The following PLEKHA4 variants were observed in gnomAD, a reference collection of about 807,000 sequenced individuals.
PLEKHA4 encodes pleckstrin homology domain-containing family A member 4.
In PLEKHA4, 73 loss-of-function variants were observed where a neutral mutation model predicts 94.7. That is an observed-to-expected ratio of 0.77 (90% CI 0.64 to 0.94). The LOEUF (loss-of-function observed/expected upper bound fraction) is 0.94, where lower values mean the gene tolerates loss of function less well. Among genes scored for constraint, PLEKHA4 ranks in the 40% least tolerant of loss-of-function variants. The pLI is 0.00. For synonymous variants in PLEKHA4, 449 were observed against 437.1 expected, an observed-to-expected ratio of 1.03 and a Z score of -0.34; for missense variants, 1,049 against 1,054.1, an observed-to-expected ratio of 1.00 and a Z score of 0.07.
Position 48,859,680 on chromosome 19 carries a change from GC to G in PLEKHA4, c.480del (p.Gln161AsnfsTer23). 1 of 1,611,166 alleles carries G rather than the reference GC, an allele frequency of 6.2e-7. No individual in the cohort carries two copies. Among genetic ancestry groups the G allele is most frequent in the Non-Finnish European group, 8.5e-7 (1 of 1,179,848 alleles). Reference sequence around the variant, plus strand: ...TGGGGTCGTGCAGGTGACCTGGGTTGCCCACTAGCGAGTGGACATAGACAAG... The same window carrying G: ...TGGGGTCGTGCAGGTGACCTGGGTTGCCACTAGCGAGTGGACATAGACAAG... ...RASRAEGDDY[G>X]QPRSPARPQP... On this transcript the variant is annotated frameshift_variant, in exon 7 of 20. Transcript: ENST00000263265. LOFTEE classifies it high-confidence loss of function.
chr19:48,852,802 G>A (rs1490438950), intron 12 of PLEKHA4, among the ~76,000 whole-genome samples: 3 of 151,884 alleles, frequency 2.0e-5, no homozygotes, highest in African/African-American at 7.3e-5. Flanking sequence ...GAATGGTGGC[G>A]AGGGCCTGTA....
At chr19:48,860,506 AAGG>A (rs925638441) in intron 5 of PLEKHA4, 47 bp from the exon 6 acceptor site, 10 of 1,470,508 alleles carry the variant, frequency 6.8e-6, no homozygotes, top group African/African-American at 2.8e-5. Flanking sequence ...GCCTTGTAAA[AAGG>A]AGGACAGGCC....
chr19:48,865,389 G>C, intron 3 of PLEKHA4, 114 bp downstream of exon 3: 1 of 665,842 alleles, frequency 1.5e-6, no homozygotes, highest in South Asian at 1.9e-5. Flanking sequence ...GGACTAAGGG[G>C]AGGGGCAGTG....
At chr19:48,865,442 G>A in intron 3 of PLEKHA4, 61 bp downstream of exon 3, 2 of 1,295,472 alleles carry the variant, frequency 1.5e-6, no homozygotes, top group East Asian at 2.3e-5. Flanking sequence ...TGCAAGGAGA[G>A]AGACAGAGGA....
chr19:48,845,638 G>A lies in PLEKHA4; in HGVS notation c.1567-22C>T, dbSNP rs28455995. ...GGCTCTGCGGGGATTAGAAAAGGGGGATAATGATGATCATTATAATAATTA... is the reference window on the plus strand; with the variant it reads ...GGCTCTGCGGGGATTAGAAAAGGGGAATAATGATGATCATTATAATAATTA... On this transcript the variant is annotated intron_variant, in intron 14 of 19. Coordinates refer to ENST00000263265, the MANE Select transcript of PLEKHA4 (RefSeq NM_020904.3). The A allele has an allele frequency of 1.1e-3, 1,550 of 1,452,546 alleles. 14 individuals are homozygous for A. The African/African-American group carries it at 0.019, about 18-fold the overall frequency. The allele number at this position is 1,452,546 out of a possible 1,614,324, so 90.0% of individuals were successfully genotyped here.
At position 48,837,360 on chromosome 19, in the gene PLEKHA4, C is replaced by T; in HGVS notation, c.2269G>A (p.Ala757Thr). 6.2e-7 allele frequency: 1 copy of T among 1,613,676 alleles called. No homozygotes were observed. The highest frequency in any genetic ancestry group is 2.2e-5 in the East Asian group (1 of 44,874). Residue 757 changes from alanine (A) to threonine (T), a missense_variant, in exon 20 of 20, where the codon GCC becomes ACC. Transcript: ENST00000263265. The surrounding 1 kb of genome is among the most constrained non-coding windows in gnomAD (Gnocchi z 4.3). Reference protein sequence around the residue: ...PWGPAWDAGIAPPVLPQDEGA... With the variant: ...PWGPAWDAGITPPVLPQDEGA... Reference sequence around the variant, plus strand: ...TCGTCTTGTGGCAGGACCGGAGGGGCGATCCCGGCATCCCACGCGGGCCCC... The same window carrying T: ...TCGTCTTGTGGCAGGACCGGAGGGGTGATCCCGGCATCCCACGCGGGCCCC...
chr19:48,845,941 T>C (rs1340251019), intron 14 of PLEKHA4, among the ~76,000 whole-genome samples: 2 of 139,404 alleles, frequency 1.4e-5, no homozygotes, highest in African/African-American at 5.4e-5. Flanking sequence ...AACTCGGGAG[T>C]TGGAGGTTGC....
Position 48,837,537 on chromosome 19 carries a change from A to G in PLEKHA4, c.2092T>C (p.Ser698Pro). 1 of 1,613,502 alleles carries G rather than the reference A, an allele frequency of 6.2e-7. No homozygotes were observed. Among genetic ancestry groups the G allele is most frequent in the African/African-American group, 1.3e-5 (1 of 75,010 alleles). ...HRMMTGGNLD[S>P]QGDPLPGVPL... ...ACACCGGGAAGAGGGTCTCCCTGGG[A>G]GTCCAAATTTCCACCTGGAGAGGAT... Residue 698 changes from serine (S) to proline (P), a missense_variant, in exon 20 of 20, where the codon TCC becomes CCC. Physicochemically the swap from Ser to Pro is moderately conservative, Grantham distance 74 (BLOSUM62 -1). Coordinates refer to ENST00000263265, the MANE Select transcript of PLEKHA4 (RefSeq NM_020904.3). This position sits in a 1 kb window ranked among gnomAD's most constrained non-coding sequence, Gnocchi z 4.3.
At chr19:48,865,438 G>T in intron 3 of PLEKHA4, 65 bp downstream of exon 3, 2 of 1,238,524 alleles carry the variant, frequency 1.6e-6, no homozygotes, top group Non-Finnish European at 2.4e-6. Context: ...GACTTGCAAG[G>T]AGAGAGACAG....
chr19:48,840,066 C>G (rs2035702636), intron 17 of PLEKHA4, among the ~76,000 whole-genome samples: 1 of 151,734 alleles, frequency 6.6e-6, no homozygotes, highest in Non-Finnish European at 1.5e-5. Flanking sequence ...CGAGATTCCA[C>G]CACTATACTC....
chr19:48,859,605 C>T lies in PLEKHA4; in HGVS notation c.556G>A (p.Gly186Arg). Reference sequence around the variant, plus strand: ...GATTCTGAGATGCGCCCCTCTTCCCCTCTGCTCACCTCCGGGGGACCACCG... The same window carrying T: ...GATTCTGAGATGCGCCCCTCTTCCCTTCTGCTCACCTCCGGGGGACCACCG... ...GPGGPPEVSR[G>R]EEGRISESPE... Residue 186 changes from glycine to arginine, a missense_variant, in exon 7 of 20, where the codon GGG becomes AGG. Physicochemically the swap from Gly to Arg is moderately radical, Grantham distance 125. Transcript: ENST00000263265. 1.2e-6 allele frequency: 2 copies of T among 1,613,668 alleles called. No individual in the cohort carries two copies. Among genetic ancestry groups the T allele is most frequent in the Non-Finnish European group, 1.7e-6 (2 of 1,179,996 alleles).
At chr19:48,861,049 A>G (rs1300971794) in intron 5 of PLEKHA4, among the ~76,000 whole-genome samples, 1 of 152,028 alleles carries the variant, frequency 6.6e-6, no homozygotes, top group East Asian at 1.9e-4. Flanking sequence ...TCTACTAAAA[A>G]TACAAAAAAT....
At chr19:48,846,533 G>T (rs936201943) in intron 14 of PLEKHA4, among the ~76,000 whole-genome samples, 1 of 151,918 alleles carries the variant, frequency 6.6e-6, no homozygotes. Flanking sequence ...TTAGGAGGCC[G>T]AGATGGGAGG....
At position 48,845,538 on chromosome 19, in the gene PLEKHA4, C is replaced by T. The variant is rs140457819; in HGVS notation, c.1645G>A (p.Asp549Asn). Reference protein sequence around the residue: ...DWGRPPGGDKDLASPHLGLGS... With the variant: ...DWGRPPGGDKNLASPHLGLGS... ...TCACCTAAGTGAGGGCTGGCGAGGT[C>T]TTTGTCGCCTCCAGGAGGCCGCCCC... The change falls in exon 15 of 20, where the codon GAC (aspartate) becomes AAC (asparagine). Residue 549 changes from aspartate to asparagine, a missense_variant. Physicochemically the swap from Asp to Asn is conservative, Grantham distance 23 (BLOSUM62 1). Transcript: ENST00000263265. 1 of 1,611,404 alleles carries T rather than the reference C, an allele frequency of 6.2e-7. No individual in the cohort carries two copies. The highest frequency in any genetic ancestry group is 1.1e-5 in the South Asian group (1 of 90,922).
chr19:48,844,156 T>TTATTATTAC (rs2035876327), intron 16 of PLEKHA4, among the ~76,000 whole-genome samples: 1 of 114,572 alleles, frequency 8.7e-6, no homozygotes, highest in East Asian at 2.2e-4. Context: ...ATTATTATTA[T>TTATTATTAC]TATTATTATT....
chr19:48,851,344 C>T (rs2036176392), intron 13 of PLEKHA4, among the ~76,000 whole-genome samples: 1 of 152,158 alleles, frequency 6.6e-6, no homozygotes, highest in Admixed American at 6.5e-5. Context: ...AGGCCGGGCG[C>T]AGTGGCTCAC....
chr19:48,866,554 G>A (rs1304891626), intron 2 of PLEKHA4, among the ~76,000 whole-genome samples: 5 of 152,158 alleles, frequency 3.3e-5, no homozygotes, highest in African/African-American at 7.2e-5. Flanking sequence ...TGATCCACCC[G>A]CCTCAGCCTC....
intron 2 of PLEKHA4, among the ~76,000 whole-genome samples, chr19:48,866,464 G>T (rs112464675): frequency 0.034 from 5,218 of 152,072 alleles, 176 homozygotes; most frequent in African/African-American, 0.079. Flanking sequence ...GTGCCACCAC[G>T]CCTGGCTAAT....
intron 16 of PLEKHA4, among the ~76,000 whole-genome samples, chr19:48,842,069 C>T (rs1308064114): frequency 1.3e-5 from 2 of 152,118 alleles, no homozygotes. Context: ...TCTGCTTTGA[C>T]CAATCCTGAG....
Sources: gnomAD v4.1 joint callset for allele counts (sites outside exome capture counted in the v4.1 genomes callset) on GRCh38, gnomAD v4.1.1 for gene constraint, Gnocchi (gnomAD v3.1) non-coding constraint, MANE v1.5 for transcripts, NCBI Gene and HGNC (gene_info 2026-07-23, HGNC 2026-07-21) for gene names.